The following ATP11A variants were observed in gnomAD, a reference collection of about 807,000 sequenced individuals.
The protein encoded by ATP11A is ATPase phospholipid transporting 11A.
A neutral mutation model predicts 154.4 loss-of-function variants in ATP11A; 81 were observed. The ratio of observed to expected loss-of-function variants is 0.52; its 90% CI spans 0.44 to 0.63. ATP11A has a LOEUF of 0.63. ATP11A is among the 30% of genes least tolerant of loss of function. The pLI is 0.00. For missense variants in ATP11A, 1,316 were observed against 1,474.3 expected, an observed-to-expected ratio of 0.89 and a Z score of 1.76; for synonymous variants, 623 against 585.9, an observed-to-expected ratio of 1.06 and a Z score of -0.91.
At chr13:112,727,585 A>C (rs1379726208) in intron 1 of ATP11A, among the ~76,000 whole-genome samples, 2 of 151,378 alleles carry the variant, frequency 1.3e-5, no homozygotes, top group African/African-American at 4.9e-5. Flanking sequence ...GTGACTCTAG[A>C]GAACACTGCT....
chr13:112,858,026 A>C, intron 21 of ATP11A, 106 bp downstream of exon 21: 1 of 1,557,722 alleles, frequency 6.4e-7, no homozygotes, highest in East Asian at 2.3e-5. Context: ...CCCCGTCACC[A>C]CCCTCGTGTG....
At chr13:112,715,754 A>G (rs1463740395) in intron 1 of ATP11A, among the ~76,000 whole-genome samples, 2 of 151,702 alleles carry the variant, frequency 1.3e-5, no homozygotes, top group African/African-American at 4.8e-5. Context: ...GCTATTTTGC[A>G]GGACGAATTC....
In ATP11A at chr13:112,785,762, C is replaced by T. The variant is rs926065816; in HGVS notation, c.162+505C>T. On this transcript the variant is annotated intron_variant, in intron 2 of 29. Coordinates refer to ENST00000375645, the MANE Select transcript of ATP11A (RefSeq NM_015205.3). The surrounding 1 kb of genome is among the most constrained non-coding windows in gnomAD (Gnocchi z 4.8). Reference sequence around the variant, plus strand: ...CGTAGGAAGCACAAGCAGAGTGCCGCGGTCTAAACGAAGCGTGTTTCTCTC... The same window carrying T: ...CGTAGGAAGCACAAGCAGAGTGCCGTGGTCTAAACGAAGCGTGTTTCTCTC... Among the ~76,000 whole-genome samples the T allele has an allele frequency of 9.2e-5, 14 of 152,184 alleles. No individual in the cohort carries two copies. Among genetic ancestry groups the T allele is most frequent in the African/African-American group, 2.7e-4 (11 of 41,462 alleles).
At chr13:112,789,438 C>CG (rs1340509637) in intron 2 of ATP11A, among the ~76,000 whole-genome samples, 29 of 145,842 alleles carry the variant, frequency 2.0e-4, no homozygotes, top group African/African-American at 6.5e-4. Flanking sequence ...TAATTCACAC[C>CG]GGTATCCTGA....
chr13:112,722,286 C>A (rs969908476), intron 1 of ATP11A, among the ~76,000 whole-genome samples: 498 of 16,110 alleles, frequency 0.031, 3 homozygotes, highest in African/African-American at 0.074. Flanking sequence ...GGTAGGGGGA[C>A]CGGGGAGGAG....
chr13:112,836,857 A>G (rs1407631935), intron 16 of ATP11A, among the ~76,000 whole-genome samples: 1 of 152,058 alleles, frequency 6.6e-6, no homozygotes, highest in East Asian at 1.9e-4. Context: ...TGATCCTCCC[A>G]CTCTGACCTG....
intron 1 of ATP11A, among the ~76,000 whole-genome samples, chr13:112,738,562 G>C (rs1594483550): frequency 6.6e-6 from 1 of 152,164 alleles, no homozygotes; most frequent in South Asian, 2.1e-4. Context: ...CAGATAAGCC[G>C]ACTGGCTTCA....
intron 25 of ATP11A, among the ~76,000 whole-genome samples, chr13:112,864,813 C>T (rs80150441): frequency 5.1e-5 from 4 of 78,236 alleles, no homozygotes; most frequent in Non-Finnish European, 7.3e-5. Context: ...TCACCACCTG[C>T]GCAGTAATTC....
At chr13:112,726,944 A>AT (rs560867461) in intron 1 of ATP11A, among the ~76,000 whole-genome samples, 4 of 152,062 alleles carry the variant, frequency 2.6e-5, no homozygotes, top group East Asian at 1.9e-4. Context: ...GACATTGCAA[A>AT]TTTTTTTTCT....
chr13:112,752,268 G>GGGGC (rs1445251208), intron 1 of ATP11A, among the ~76,000 whole-genome samples: 1 of 152,244 alleles, frequency 6.6e-6, no homozygotes, highest in African/African-American at 2.4e-5. Flanking sequence ...AGAAGAAAAT[G>GGGGC]GGGCAGGACA....
At chr13:112,851,370 C>T (rs2079761534) in intron 18 of ATP11A, 152 bp downstream of exon 18, 2 of 675,996 alleles carry the variant, frequency 3.0e-6, no homozygotes, top group Non-Finnish European at 2.4e-6. Flanking sequence ...TGTCTTGCTA[C>T]ACCCTGGAGT....
intron 5 of ATP11A, 118 bp from the exon 6 acceptor site, chr13:112,815,965 C>T: frequency 1.4e-6 from 2 of 1,400,746 alleles, no homozygotes; most frequent in South Asian, 1.3e-5. Flanking sequence ...GAAACCGTGT[C>T]CACATCCCCG....
chr13:112,847,401 T>C (rs1451920643), intron 17 of ATP11A, among the ~76,000 whole-genome samples: 2 of 152,226 alleles, frequency 1.3e-5, no homozygotes, highest in African/African-American at 4.8e-5. Context: ...AGCTCTTAAA[T>C]GTAGGAGTGT....
intron 1 of ATP11A, among the ~76,000 whole-genome samples, chr13:112,768,067 C>A (rs564589199): frequency 4.3e-4 from 65 of 152,210 alleles, no homozygotes; most frequent in Non-Finnish European, 7.9e-4. Flanking sequence ...CTGTTTCTTT[C>A]GTTTCTCCTG....
rs2080976090 is a variant in ATP11A at position 112,886,056 on chromosome 13, ACGCGTC to A, written c.*4191_*4196del. 6.6e-6 allele frequency: 1 copy of A among 152,322 alleles called. No individual in the cohort carries two copies. The highest frequency in any genetic ancestry group is 1.5e-5 in the Non-Finnish European group (1 of 68,120). The allele number at this position is 152,322 out of a possible 1,614,324, so 9.4% of individuals were successfully genotyped here. A position where few individuals can be genotyped will look rare whatever the true frequency, so the allele number is the denominator to read the frequency against. On this transcript the variant is annotated 3_prime_UTR_variant, in exon 30 of 30. Transcript: ENST00000375645. ...CACCCACGCCGCACCTCATCCGTGC[ACGCGTC>A]GGAGCACGGCCAGCCTTCCGCCACG...
At chr13:112,822,126 T>C (rs2078812949) in intron 8 of ATP11A, among the ~76,000 whole-genome samples, 1 of 152,224 alleles carries the variant, frequency 6.6e-6, no homozygotes, top group Non-Finnish European at 1.5e-5. Context: ...GTAAATACAA[T>C]GATAAATGAA....
chr13:112,772,602 G>A (rs1314059872), intron 1 of ATP11A, among the ~76,000 whole-genome samples: 2 of 125,796 alleles, frequency 1.6e-5, no homozygotes, highest in Non-Finnish European at 3.7e-5. Flanking sequence ...ATGAAACCCC[G>A]TGCCCAGTAC....
intron 24 of ATP11A, 39 bp downstream of exon 24, chr13:112,860,453 A>G (rs1244599088): frequency 1.9e-6 from 3 of 1,611,840 alleles, no homozygotes; most frequent in South Asian, 2.2e-5. Flanking sequence ...GAGCAGAGAG[A>G]GTAACTAGGC....
chr13:112,762,539 G>A (rs1212602402), intron 1 of ATP11A, among the ~76,000 whole-genome samples: 2 of 152,164 alleles, frequency 1.3e-5, no homozygotes, highest in Admixed American at 6.5e-5. Context: ...ACTCCTTCAG[G>A]ATACTGCTCC....
Sources: allele counts gnomAD v4.1 joint callset (sites outside exome capture counted in the v4.1 genomes callset), GRCh38; gene constraint gnomAD v4.1.1; non-coding constraint Gnocchi (gnomAD v3.1); transcripts MANE v1.5; gene names NCBI Gene and HGNC (gene_info 2026-07-23, HGNC 2026-07-21).